KCNIP4: variants seen among roughly 807,000 people sequenced by gnomAD.
The protein encoded by KCNIP4 is Kv channel-interacting protein 4.
In KCNIP4, 12 loss-of-function variants were observed where a neutral mutation model predicts 34.0. That is an observed-to-expected ratio of 0.35 (90% CI 0.23 to 0.57). The LOEUF (loss-of-function observed/expected upper bound fraction) is 0.57, where lower values mean the gene tolerates loss of function less well. Among genes scored for constraint, KCNIP4 ranks in the 20% least tolerant of loss-of-function variants. The pLI is 0.83. For synonymous variants in KCNIP4, 124 were observed against 102.2 expected (o/e 1.21, Z -1.29); for missense variants, 238 against 311.7 (o/e 0.76, Z 1.78).
At chr4:21,394,533 C>T (rs535709399) in intron 1 of KCNIP4, among the ~76,000 whole-genome samples, 3 of 152,162 alleles carry the variant, frequency 2.0e-5, no homozygotes, top group Non-Finnish European at 4.4e-5. Context: ...AATATGCTGT[C>T]TTATCCTGCA....
At chr4:21,238,550 A>C (rs981558260) in intron 1 of KCNIP4, among the ~76,000 whole-genome samples, 1 of 152,348 alleles carries the variant, frequency 6.6e-6, no homozygotes, top group Non-Finnish European at 1.5e-5. Context: ...TACAAAATCA[A>C]TGTGCAAAAA....
intron 1 of KCNIP4, among the ~76,000 whole-genome samples, chr4:21,600,545 A>C (rs905432458): frequency 6.6e-6 from 1 of 151,616 alleles, no homozygotes; most frequent in Non-Finnish European, 1.5e-5. Flanking sequence ...AGCGTAAACT[A>C]TAGTCATCCT....
chr4:21,200,651 G>A (rs1577877916), intron 1 of KCNIP4, among the ~76,000 whole-genome samples: 1 of 151,730 alleles, frequency 6.6e-6, no homozygotes, highest in Non-Finnish European at 1.5e-5. Flanking sequence ...GGGAGGGTGA[G>A]GGTGGTTAAG....
At chr4:20,914,584 A>T (rs1329574013) in intron 1 of KCNIP4, among the ~76,000 whole-genome samples, 1 of 152,136 alleles carries the variant, frequency 6.6e-6, no homozygotes, top group East Asian at 1.9e-4. Flanking sequence ...CCCACACTAA[A>T]ATAATTATAA....
intron 5 of KCNIP4, among the ~76,000 whole-genome samples, chr4:20,744,420 A>C (rs1411678087): frequency 6.6e-6 from 1 of 152,146 alleles, no homozygotes; most frequent in African/African-American, 2.4e-5. Flanking sequence ...GATTAAGAAA[A>C]TATGGCACTA....
At chr4:20,842,477 A>G (rs1333582346) in intron 3 of KCNIP4, among the ~76,000 whole-genome samples, 1 of 150,144 alleles carries the variant, frequency 6.7e-6, no homozygotes, top group African/African-American at 2.4e-5. Flanking sequence ...TAGTTGGGTC[A>G]CTGCAGTATA....
At chr4:21,825,130 CG>C (rs1722595495) in intron 1 of KCNIP4, among the ~76,000 whole-genome samples, 1 of 151,930 alleles carries the variant, frequency 6.6e-6, no homozygotes, top group African/African-American at 2.4e-5. Flanking sequence ...CAGGACTTGA[CG>C]TAAGTGGTAG....
intron 1 of KCNIP4, among the ~76,000 whole-genome samples, chr4:21,357,406 C>T (rs576471099): frequency 1.3e-5 from 2 of 152,274 alleles, no homozygotes; most frequent in South Asian, 4.1e-4. Context: ...AAAATTTTTG[C>T]AATCTACCCA....
chr4:21,033,164 A>T (rs189219738), intron 1 of KCNIP4, among the ~76,000 whole-genome samples: 349 of 152,326 alleles, frequency 2.3e-3, no homozygotes, highest in Admixed American at 4.2e-3. Flanking sequence ...GTTAATCTTA[A>T]GATTTTAAAT....
At chr4:20,943,772 T>G (rs1731903172) in intron 1 of KCNIP4, among the ~76,000 whole-genome samples, 1 of 152,152 alleles carries the variant, frequency 6.6e-6, no homozygotes, top group African/African-American at 2.4e-5. Flanking sequence ...CAGAGTCAGC[T>G]TTGTAATCAG....
chr4:20,813,357 C>T (rs1716003636), intron 3 of KCNIP4, among the ~76,000 whole-genome samples: 1 of 151,948 alleles, frequency 6.6e-6, no homozygotes, highest in African/African-American at 2.4e-5. Flanking sequence ...CAGCATCAAC[C>T]CAAAGTCAAA....
intron 1 of KCNIP4, among the ~76,000 whole-genome samples, chr4:21,759,282 C>G (rs1045129495): frequency 2.0e-5 from 3 of 152,120 alleles, no homozygotes; most frequent in Admixed American, 6.6e-5. Context: ...TATAATTTTG[C>G]CCATTTTGAT....
chr4:21,760,017 A>G (rs1717936998), intron 1 of KCNIP4, among the ~76,000 whole-genome samples: 1 of 152,108 alleles, frequency 6.6e-6, no homozygotes. Flanking sequence ...CAGGTCTCCA[A>G]CTACTCTATT....
intron 1 of KCNIP4, among the ~76,000 whole-genome samples, chr4:21,294,581 A>G (rs1042346219): frequency 2.0e-5 from 3 of 152,330 alleles, no homozygotes; most frequent in Admixed American, 2.0e-4. Context: ...TTACAGGGAT[A>G]TGCAAAAATT....
intron 3 of KCNIP4, among the ~76,000 whole-genome samples, chr4:20,795,110 A>G (rs946326717): frequency 1.1e-4 from 16 of 152,172 alleles, no homozygotes; most frequent in African/African-American, 3.9e-4. Flanking sequence ...CATGAAAAAG[A>G]AAAAACAATT....
intron 3 of KCNIP4, among the ~76,000 whole-genome samples, chr4:20,817,640 T>A (rs1040864369): frequency 6.6e-6 from 1 of 152,126 alleles, no homozygotes; most frequent in Non-Finnish European, 1.5e-5. Context: ...TTACCTTTTT[T>A]TTTTCTTTTC....
intron 1 of KCNIP4, among the ~76,000 whole-genome samples, chr4:21,248,558 G>T (rs889635944): frequency 6.6e-6 from 1 of 152,102 alleles, no homozygotes; most frequent in Non-Finnish European, 1.5e-5. Context: ...AGATGGCATG[G>T]TAATGGTAGA....
intron 1 of KCNIP4, among the ~76,000 whole-genome samples, chr4:21,943,691 T>G (rs1449415868): frequency 6.6e-6 from 1 of 152,168 alleles, no homozygotes; most frequent in East Asian, 1.9e-4. Flanking sequence ...ATTCTATAAG[T>G]AATGGAGGGG....
intron 1 of KCNIP4, among the ~76,000 whole-genome samples, chr4:21,486,710 C>T (rs1731947041): frequency 6.6e-6 from 1 of 152,108 alleles, no homozygotes; most frequent in Non-Finnish European, 1.5e-5. Context: ...ATAAAAATTG[C>T]TAAGATAGTA....
Sources: gnomAD v4.1 joint callset for allele counts (sites outside exome capture counted in the v4.1 genomes callset) on GRCh38, gnomAD v4.1.1 for gene constraint, MANE v1.5 for transcripts, NCBI Gene and HGNC (gene_info 2026-07-23, HGNC 2026-07-21) for gene names.